Variants in AADACL4 observed in about 807,000 individuals in gnomAD.
AADACL4 encodes arylacetamide deacetylase-like 4.
Under a neutral mutation model 14.1 loss-of-function variants are expected in AADACL4, and 9 were observed. The ratio of observed to expected loss-of-function variants is 0.64; its 90% CI spans 0.39 to 1.12. AADACL4 has a LOEUF of 1.12. Among genes scored for constraint, AADACL4 ranks in the 50% most tolerant of loss-of-function variants. The pLI, the probability that AADACL4 is intolerant of heterozygous loss-of-function variation, is 0.01. For missense variants in AADACL4, 531 were observed against 516.1 expected (o/e 1.03, Z -0.28); for synonymous variants, 188 against 201.6 (o/e 0.93, Z 0.57).
At chr1:12,656,184 A>G (rs982681112) in intron 2 of AADACL4, among the ~76,000 whole-genome samples, 13 of 152,314 alleles carry the variant, frequency 8.5e-5, no homozygotes, top group African/African-American at 2.4e-4. Flanking sequence ...AAATAACAGT[A>G]TGGTTCCCTC....
chr1:12,666,730 A>G lies in AADACL4; in HGVS notation c.1219A>G (p.Ile407Val), dbSNP rs138002747. The G allele has an allele frequency of 2.5e-6, 4 of 1,602,082 alleles. No homozygotes were observed. Among genetic ancestry groups the G allele is most frequent in the Non-Finnish European group, 3.4e-6 (4 of 1,176,198 alleles). Residue 407 changes from isoleucine (I) to valine (V), a missense_variant, in exon 4 of 4, where the codon ATA becomes GTA. Physicochemically the swap from Ile to Val is conservative, Grantham distance 29. Transcript: ENST00000376221. ...VNAVVSYIKG[I>V] ...TGCTGTAGTCAGTTATATAAAGGGCATATGATAGTAACCCTGGGGCCCCGA... is the reference window on the plus strand; with the variant it reads ...TGCTGTAGTCAGTTATATAAAGGGCGTATGATAGTAACCCTGGGGCCCCGA...
chr1:12,645,921 T>A (rs1647108640), intron 1 of AADACL4, among the ~76,000 whole-genome samples: 1 of 152,204 alleles, frequency 6.6e-6, no homozygotes, highest in Non-Finnish European at 1.5e-5. Flanking sequence ...AGGTGCTTAC[T>A]TTTGTTGGTA....
In AADACL4 at chr1:12,666,330, A is replaced by AC; in HGVS notation, c.824dup (p.Asp276ArgfsTer13). 1 of 1,614,090 alleles carries AC rather than the reference A, an allele frequency of 6.2e-7. No individual in the cohort carries two copies. The highest frequency in any genetic ancestry group is 8.5e-7 in the Non-Finnish European group (1 of 1,180,032). ...ACGCCATCTTGAACGGCACTTGTGT[A>AC]CCCCCAGACGTCTGGAGGAAGTACG... On this transcript the variant is annotated frameshift_variant, in exon 4 of 4. Coordinates refer to ENST00000376221, the MANE Select transcript of AADACL4 (RefSeq NM_001013630.2). LOFTEE classifies it low-confidence loss of function (END_TRUNC).
rs774872323 is a variant in AADACL4 at position 12,644,507 on chromosome 1, C to A, written c.-40C>A. 6.2e-7 allele frequency: 1 copy of A among 1,603,092 alleles called. No homozygotes were observed. ...GGTCCTCTTCACATAAGCTATCAGA[C>A]AAGCTCCTCAGGGCAGCAGCTCCTC... is the stretch of plus-strand genomic sequence containing the variant. On this transcript the variant is annotated 5_prime_UTR_variant, in exon 1 of 4. Coordinates refer to ENST00000376221, the MANE Select transcript of AADACL4 (RefSeq NM_001013630.2).
intron 1 of AADACL4, among the ~76,000 whole-genome samples, chr1:12,648,265 C>T (rs537244297): frequency 8.6e-5 from 13 of 151,982 alleles, no homozygotes; most frequent in South Asian, 8.3e-4. Context: ...CCACCGCAGC[C>T]GGACTGCTTT....
chr1:12,666,176 A>T lies in AADACL4; in HGVS notation c.665A>T (p.Tyr222Phe), dbSNP rs1557553884. ...LPRIRAQVLI[Y>F]PVVQAFCLQL... ...CGGATCCGGGCTCAGGTTCTGATTT[A>T]TCCAGTTGTCCAGGCATTCTGTTTG... Residue 222 changes from tyrosine to phenylalanine, a missense_variant, in exon 4 of 4, where the codon TAT becomes TTT. Tyr to Phe is a conservative substitution (Grantham distance 22). Coordinates refer to ENST00000376221, the MANE Select transcript of AADACL4 (RefSeq NM_001013630.2). The T allele has an allele frequency of 6.2e-6, 10 of 1,614,236 alleles. No homozygotes were observed. The highest frequency in any genetic ancestry group is 8.5e-6 in the Non-Finnish European group (10 of 1,180,054).
chr1:12,666,672 T>G lies in AADACL4; in HGVS notation c.1161T>G (p.Ala387=), dbSNP rs751347172. 5 of 1,613,866 alleles carry G rather than the reference T, an allele frequency of 3.1e-6. No individual in the cohort carries two copies. Among genetic ancestry groups the G allele is most frequent in the Non-Finnish European group, 4.2e-6 (5 of 1,180,026 alleles). Residue 387 remains alanine, a synonymous_variant, in exon 4 of 4, where the codon GCT becomes GCG. Transcript: ENST00000376221. ...CCATTATCTTTTTTGATAAGAAGGCTCTCTCTTTCCCATGTTCCCTGAAGA... is the reference window on the plus strand; with the variant it reads ...CCATTATCTTTTTTGATAAGAAGGCGCTCTCTTTCCCATGTTCCCTGAAGA... ...HGSIIFFDKK[A]LSFPCSLKIV...
intron 2 of AADACL4, 104 bp downstream of exon 2, chr1:12,651,443 A>T: frequency 8.1e-7 from 1 of 1,227,064 alleles, no homozygotes; most frequent in Non-Finnish European, 1.1e-6. Context: ...TAAAGGAATC[A>T]GTTGTTGGAG....
chr1:12,657,179 ACC>A (rs1328294779), intron 2 of AADACL4, among the ~76,000 whole-genome samples: 37 of 151,110 alleles, frequency 2.4e-4, no homozygotes, highest in African/African-American at 8.8e-4. Flanking sequence ...AACAAACAAA[ACC>A]CCAAACTACT....
intron 3 of AADACL4, among the ~76,000 whole-genome samples, chr1:12,662,985 G>A (rs1356635888): frequency 2.0e-5 from 3 of 152,176 alleles, no homozygotes; most frequent in Admixed American, 6.5e-5. Context: ...AAATTGCTTA[G>A]GATGCCATTA....
chr1:12,653,411 C>G (rs1647161127), intron 2 of AADACL4, among the ~76,000 whole-genome samples: 1 of 152,248 alleles, frequency 6.6e-6, no homozygotes, highest in Non-Finnish European at 1.5e-5. Flanking sequence ...TCATGTCACA[C>G]TTGGTAGGTA....
intron 2 of AADACL4, among the ~76,000 whole-genome samples, chr1:12,661,539 C>G (rs1289937072): frequency 2.0e-5 from 3 of 152,122 alleles, no homozygotes. Context: ...TTCCTGGTTT[C>G]CTCCACTGTA....
chr1:12,658,018 CTT>C (rs1317555704), intron 2 of AADACL4, among the ~76,000 whole-genome samples: 1 of 147,828 alleles, frequency 6.8e-6, no homozygotes, highest in Non-Finnish European at 1.5e-5. Flanking sequence ...CTCTCTCTCT[CTT>C]TCTTTCTCTT....
At chr1:12,649,458 A>G (rs1172267139) in intron 1 of AADACL4, among the ~76,000 whole-genome samples, 1 of 152,216 alleles carries the variant, frequency 6.6e-6, no homozygotes, top group Non-Finnish European at 1.5e-5. Context: ...ATGCTGGTAC[A>G]ACATAGAGGC....
At chr1:12,660,729 C>T (rs569380010) in intron 2 of AADACL4, among the ~76,000 whole-genome samples, 10 of 152,094 alleles carry the variant, frequency 6.6e-5, no homozygotes, top group Admixed American at 1.3e-4. Flanking sequence ...CTGCAACCTC[C>T]GCCTCCCGGG....
chr1:12,651,133 T>A lies in AADACL4; in HGVS notation c.179T>A (p.Phe60Tyr). The change falls in exon 2 of 4, where the codon TTT becomes TAT. Residue 60 changes from phenylalanine to tyrosine, a missense_variant. By Grantham distance (22) the Phe-to-Tyr change is conservative. Transcript: ENST00000376221. ...FLYLVTLGNI[F>Y]EKLGICSMPK... The stretch of plus-strand genomic sequence containing the variant: ...TGTTACCTCCAACAGGGGAATATAT[T>A]TGAGAAGCTGGGAATTTGCTCCATG... The A allele has an allele frequency of 1.9e-6, 3 of 1,614,136 alleles. No homozygotes were observed. Among genetic ancestry groups the A allele is most frequent in the Non-Finnish European group, 2.5e-6 (3 of 1,179,970 alleles).
At chr1:12,658,263 T>C (rs186882427) in intron 2 of AADACL4, among the ~76,000 whole-genome samples, 1 of 150,468 alleles carries the variant, frequency 6.6e-6, no homozygotes, top group South Asian at 2.1e-4. Context: ...CCTTCCTTTT[T>C]CTTTCTTTCT....
intron 2 of AADACL4, among the ~76,000 whole-genome samples, chr1:12,661,275 T>G (rs1228901287): frequency 6.6e-6 from 1 of 152,160 alleles, no homozygotes; most frequent in Admixed American, 6.5e-5. Flanking sequence ...ATGGCTGAAG[T>G]TGAGAATGAC....
chr1:12,665,926 C>G, intron 3 of AADACL4, 35 bp from the exon 4 acceptor site: 1 of 1,564,008 alleles, frequency 6.4e-7, no homozygotes, highest in South Asian at 1.2e-5. Context: ...ACACTGTCCA[C>G]ACTGGTGTAG....
Sources: allele counts gnomAD v4.1 joint callset (sites outside exome capture counted in the v4.1 genomes callset), GRCh38; gene constraint gnomAD v4.1.1; transcripts MANE v1.5; gene names NCBI Gene and HGNC (gene_info 2026-07-23, HGNC 2026-07-21).